The following EXOC6 variants were observed in gnomAD, a reference collection of about 807,000 sequenced individuals.
EXOC6 encodes the protein SEC15-like 1.
Under a neutral mutation model 112.5 loss-of-function variants are expected in EXOC6, and 60 were observed. That is an observed-to-expected ratio of 0.53 (90% CI 0.43 to 0.66). The LOEUF (loss-of-function observed/expected upper bound fraction) is 0.66. Among genes scored for constraint, EXOC6 ranks in the 30% least tolerant of loss-of-function variants. The pLI, the probability that EXOC6 is intolerant of heterozygous loss-of-function variation, is 0.00. For missense variants in EXOC6, 855 were observed against 957.1 expected (o/e 0.89, Z 1.41); for synonymous variants, 295 against 308.0 (o/e 0.96, Z 0.44).
intron 20 of EXOC6, among the ~76,000 whole-genome samples, chr10:93,024,887 G>A (rs1328606993): frequency 2.0e-5 from 3 of 152,084 alleles, no homozygotes; most frequent in South Asian, 2.1e-4. Context: ...TGACAGTTTG[G>A]GATCAACAGT....
At chr10:92,977,197 A>G (rs1232110881) in intron 18 of EXOC6, among the ~76,000 whole-genome samples, 1 of 152,134 alleles carries the variant, frequency 6.6e-6, no homozygotes, top group African/African-American at 2.4e-5. Flanking sequence ...CAATAATGGA[A>G]TGCTAGGCAT....
At position 92,954,807 on chromosome 10, in the gene EXOC6, T is replaced by G; in HGVS notation, c.1638+66T>G. 3 of 719,992 alleles carry G rather than the reference T, an allele frequency of 4.2e-6. No homozygotes were observed. In the East Asian group the frequency reaches 8.0e-5, roughly 19 times the overall value. The allele number at this position is 719,992 out of a possible 1,614,324, so 44.6% of individuals were successfully genotyped here. On this transcript the variant is annotated intron_variant, in intron 16 of 21. Transcript: ENST00000260762. ...TGAAACAATTATTTTAAATTATTGC[T>G]GAACGTCATTCTGTAAAACTAGCTT...
chr10:92,860,972 A>T (rs1276901491), intron 1 of EXOC6, among the ~76,000 whole-genome samples: 1 of 152,124 alleles, frequency 6.6e-6, no homozygotes, highest in Non-Finnish European at 1.5e-5. Context: ...CCAGTCTCTG[A>T]GGTTTGTTCT....
intron 20 of EXOC6, among the ~76,000 whole-genome samples, chr10:93,017,031 G>A (rs979688246): frequency 2.0e-5 from 3 of 151,920 alleles, no homozygotes; most frequent in African/African-American, 7.3e-5. Flanking sequence ...GGCCAGGCTG[G>A]TCTCAAACTC....
At chr10:92,963,781 C>G (rs76256382) in intron 17 of EXOC6, among the ~76,000 whole-genome samples, 1,623 of 152,264 alleles carry the variant, frequency 0.011, 34 homozygotes, top group African/African-American at 0.037. Flanking sequence ...GCGAGAGCCT[C>G]TGTACCCAGC....
intron 8 of EXOC6, among the ~76,000 whole-genome samples, chr10:92,924,356 A>G (rs576610409): frequency 6.6e-6 from 1 of 152,336 alleles, no homozygotes; most frequent in African/African-American, 2.4e-5. Flanking sequence ...GTAAAGCTGT[A>G]TCTTTTAAAC....
At chr10:92,863,091 C>T (rs1847986081) in intron 1 of EXOC6, among the ~76,000 whole-genome samples, 2 of 152,148 alleles carry the variant, frequency 1.3e-5, no homozygotes, top group Admixed American at 1.3e-4. Flanking sequence ...ACTTTAACAG[C>T]TATGGCTAAT....
At chr10:93,017,334 T>G (rs948957228) in intron 20 of EXOC6, among the ~76,000 whole-genome samples, 2 of 151,466 alleles carry the variant, frequency 1.3e-5, no homozygotes, top group Non-Finnish European at 2.9e-5. Context: ...CTCACACCTG[T>G]AATCCCAGCA....
chr10:92,919,103 G>A (rs944723826), intron 7 of EXOC6, among the ~76,000 whole-genome samples: 5 of 152,124 alleles, frequency 3.3e-5, no homozygotes, highest in African/African-American at 4.8e-5. Context: ...GGTTCAGAAT[G>A]TTGAAAATAG....
chr10:92,944,911 T>A (rs1008263143), intron 13 of EXOC6, among the ~76,000 whole-genome samples: 6 of 152,062 alleles, frequency 3.9e-5, no homozygotes, highest in Admixed American at 6.6e-5. Context: ...TAGCTGGGAT[T>A]ACAGGCCTGC....
chr10:92,981,303 G>A lies in EXOC6; in HGVS notation c.1953+7071G>A, dbSNP rs540447493. On this transcript the variant is annotated intron_variant, in intron 18 of 21. Coordinates refer to ENST00000260762, the MANE Select transcript of EXOC6 (RefSeq NM_019053.6). ...TGACTGCCAAATGGAACTCAGTAAC[G>A]TTTTACTGTGAACTTACTGCCTAAC... 2.6e-5 allele frequency among the ~76,000 whole-genome samples: 4 copies of A among 152,302 alleles called. No individual in the cohort carries two copies. The South Asian group carries it at 6.2e-4, about 24-fold the overall frequency.
intron 20 of EXOC6, 127 bp from the exon 21 acceptor site, chr10:93,056,797 G>A (rs944226136): frequency 3.3e-6 from 2 of 601,798 alleles, no homozygotes; most frequent in Non-Finnish European, 5.9e-6. Flanking sequence ...TTTTAAAAAT[G>A]AATTTCCGTA....
chr10:93,038,406 A>G (rs1027924132), intron 20 of EXOC6, among the ~76,000 whole-genome samples: 5 of 152,340 alleles, frequency 3.3e-5, no homozygotes, highest in Middle Eastern at 3.4e-3. Context: ...ATGTTTGTGT[A>G]AATTAAGCCA....
intron 18 of EXOC6, among the ~76,000 whole-genome samples, chr10:92,985,083 T>G (rs960382397): frequency 6.6e-6 from 1 of 152,042 alleles, no homozygotes; most frequent in Non-Finnish European, 1.5e-5. Context: ...TTCTCCCTCT[T>G]CCTCCTTTTG....
intron 19 of EXOC6, among the ~76,000 whole-genome samples, chr10:93,013,030 A>T (rs1844329796): frequency 6.6e-6 from 1 of 151,960 alleles, no homozygotes; most frequent in Non-Finnish European, 1.5e-5. Flanking sequence ...GAGAAAAAGA[A>T]AAAAAAGAAG....
upstream of EXOC6, among the ~76,000 whole-genome samples, chr10:92,848,041 C>T (rs1419966866): frequency 6.6e-6 from 1 of 152,020 alleles, no homozygotes. Context: ...CTATCACATG[C>T]AATTTTGCTT....
At chr10:92,921,714 C>G (rs1212279932) in intron 8 of EXOC6, among the ~76,000 whole-genome samples, 1 of 147,160 alleles carries the variant, frequency 6.8e-6, no homozygotes, top group Admixed American at 6.9e-5. Flanking sequence ...GTGGCGTGAT[C>G]ACAGCTCACT....
intron 1 of EXOC6, among the ~76,000 whole-genome samples, chr10:92,849,241 G>A (rs1021632103): frequency 1.1e-4 from 17 of 152,246 alleles, no homozygotes; most frequent in African/African-American, 3.4e-4. Flanking sequence ...GAGAGCAGCT[G>A]CTTGCTGCTT....
chr10:92,883,616 G>T (rs1351615273), intron 1 of EXOC6, among the ~76,000 whole-genome samples: 2 of 152,042 alleles, frequency 1.3e-5, no homozygotes. Context: ...TTATATGCTA[G>T]AAATTAAGCT....
Sources: gnomAD v4.1 joint callset for allele counts (sites outside exome capture counted in the v4.1 genomes callset) on GRCh38, gnomAD v4.1.1 for gene constraint, MANE v1.5 for transcripts, NCBI Gene and HGNC (gene_info 2026-07-23, HGNC 2026-07-21) for gene names.